The following ELOVL6 variants were observed in gnomAD, a reference collection of about 807,000 sequenced individuals.
ELOVL6 encodes the protein very long chain fatty acid elongase 6.
A neutral mutation model predicts 31.7 loss-of-function variants in ELOVL6; 8 were observed. That is an observed-to-expected ratio of 0.25 (90% CI 0.15 to 0.45). The LOEUF (loss-of-function observed/expected upper bound fraction) is 0.45, where lower values mean the gene tolerates loss of function less well. Among genes scored for constraint, ELOVL6 ranks in the 20% least tolerant of loss-of-function variants. The probability of loss-of-function intolerance (pLI) is 1.00; values close to 1 mark genes in which losing one functional copy is unlikely to be tolerated. For synonymous variants in ELOVL6, 101 were observed against 117.7 expected (o/e 0.86, Z 0.92); for missense variants, 126 against 326.4 (o/e 0.39, Z 4.73).
intron 1 of ELOVL6, among the ~76,000 whole-genome samples, chr4:110,141,648 A>ATTG (rs946402997): frequency 2.0e-5 from 3 of 149,522 alleles, no homozygotes; most frequent in African/African-American, 7.3e-5. Context: ...ATTGTATTGT[A>ATTG]TTGTATTAGT....
At chr4:110,074,797 A>G (rs1755585278) in intron 2 of ELOVL6, among the ~76,000 whole-genome samples, 1 of 152,208 alleles carries the variant, frequency 6.6e-6, no homozygotes. Flanking sequence ...AGAGGCATCA[A>G]GGAAGTGGGT....
chr4:110,094,499 T>C (rs1028779571), intron 2 of ELOVL6, among the ~76,000 whole-genome samples: 1 of 130,456 alleles, frequency 7.7e-6, no homozygotes. Flanking sequence ...TAATATATAA[T>C]TATATATACA....
intron 1 of ELOVL6, among the ~76,000 whole-genome samples, chr4:110,165,909 G>T (rs1758760731): frequency 6.6e-6 from 1 of 152,190 alleles, no homozygotes; most frequent in Non-Finnish European, 1.5e-5. Context: ...AGTGGGAAAA[G>T]AGGGTGGTCT....
At chr4:110,063,060 T>C (rs1209759314) in intron 2 of ELOVL6, among the ~76,000 whole-genome samples, 2 of 152,192 alleles carry the variant, frequency 1.3e-5, no homozygotes, top group Non-Finnish European at 2.9e-5. Flanking sequence ...CTGATTTACT[T>C]CGGCTAACCC....
chr4:110,053,972 C>G (rs1267853839), intron 3 of ELOVL6, among the ~76,000 whole-genome samples: 1 of 151,212 alleles, frequency 6.6e-6, no homozygotes, highest in African/African-American at 2.4e-5. Context: ...TTGTGGCAGG[C>G]ACCTGTAATC....
In ELOVL6 at chr4:110,057,985, T is replaced by C. The variant is rs188181841; in HGVS notation, c.373+1618A>G. Reference sequence around the variant, plus strand: ...CTATGAATCAAAGCAAATTAAAATATTCTCATATAATTTTAAAATTCCCAG... The same window carrying C: ...CTATGAATCAAAGCAAATTAAAATACTCTCATATAATTTTAAAATTCCCAG... On this transcript the variant is annotated intron_variant, in intron 3 of 3. Coordinates refer to ENST00000302274, the MANE Select transcript of ELOVL6 (RefSeq NM_024090.3). 1.6e-3 allele frequency among the ~76,000 whole-genome samples: 250 copies of C among 152,174 alleles called. 2 individuals carry two copies. The highest frequency in any genetic ancestry group is 5.7e-3 in the African/African-American group (235 of 41,480).
intron 1 of ELOVL6, among the ~76,000 whole-genome samples, chr4:110,185,653 T>C (rs946608630): frequency 6.6e-6 from 1 of 152,114 alleles, no homozygotes; most frequent in Admixed American, 6.6e-5. Context: ...TATGTACAAG[T>C]AGTATTAAGA....
intron 1 of ELOVL6, among the ~76,000 whole-genome samples, chr4:110,192,908 G>C (rs575136234): frequency 1.3e-5 from 2 of 152,290 alleles, no homozygotes; most frequent in South Asian, 4.1e-4. Context: ...TAAACAGCAA[G>C]TGACATGAGT....
rs559300149 is a variant in ELOVL6 at position 110,046,644 on chromosome 4, C to G, written c.*4694G>C. 2.6e-5 allele frequency: 4 copies of G among 152,336 alleles called. No homozygotes were observed. The highest frequency in any genetic ancestry group is 9.6e-5 in the African/African-American group (4 of 41,578). 9.4% of individuals were successfully genotyped at this position (152,336 alleles called of 1,614,324 possible). A position where few individuals can be genotyped will look rare whatever the true frequency, so the allele number is the denominator to read the frequency against. ...TTCTTCAAAGCTCTGTGCATGTGCC[C>G]TGTACCGGCCTCTTTAGCTATGAGT... On this transcript the variant is annotated 3_prime_UTR_variant, in exon 4 of 4. Transcript: ENST00000302274.
intron 2 of ELOVL6, among the ~76,000 whole-genome samples, chr4:110,097,108 C>T (rs1025873929): frequency 1.3e-5 from 2 of 151,932 alleles, no homozygotes; most frequent in African/African-American, 4.8e-5. Flanking sequence ...GAGTTCAAGA[C>T]CAGCCTGGCC....
intron 1 of ELOVL6, chr4:110,117,903 A>AAAATATATATATATATATAT: frequency 1.5e-4 from 1 of 6,502 alleles, no homozygotes; most frequent in African/African-American, 3.3e-4. Context: ...AAAAAAAAAA[A>AAAATATATATATATATATAT]ATATATATAT....
chr4:110,073,358 G>A (rs1437912517), intron 2 of ELOVL6, among the ~76,000 whole-genome samples: 2 of 152,020 alleles, frequency 1.3e-5, no homozygotes, highest in Admixed American at 6.6e-5. Flanking sequence ...ATATCATTAA[G>A]TGTGTTCTCA....
chr4:110,138,717 T>G (rs1416984663), intron 1 of ELOVL6, among the ~76,000 whole-genome samples: 5 of 144,076 alleles, frequency 3.5e-5, no homozygotes, highest in African/African-American at 1.3e-4. Flanking sequence ...GTCACTTGTG[T>G]GATAAGATGT....
At chr4:110,094,083 C>T (rs185840467) in intron 2 of ELOVL6, among the ~76,000 whole-genome samples, 1 of 152,050 alleles carries the variant, frequency 6.6e-6, no homozygotes, top group East Asian at 1.9e-4. Flanking sequence ...AAGCCCGTCT[C>T]TACCAAAAAC....
intron 2 of ELOVL6, among the ~76,000 whole-genome samples, chr4:110,070,482 A>T (rs1755437025): frequency 6.6e-6 from 1 of 152,210 alleles, no homozygotes; most frequent in South Asian, 2.1e-4. Context: ...AATTATTAGG[A>T]CAGTGACAAT....
At chr4:110,084,135 A>ATATGATATAACATATATG (rs1553955997) in intron 2 of ELOVL6, among the ~76,000 whole-genome samples, 1 of 35,296 alleles carries the variant, frequency 2.8e-5, no homozygotes, top group African/African-American at 2.4e-4. Context: ...ATATGTGATA[A>ATATGATATAACATATATG]TGATATATAT....
chr4:110,172,497 A>G (rs1205635885), intron 1 of ELOVL6, among the ~76,000 whole-genome samples: 1 of 152,182 alleles, frequency 6.6e-6, no homozygotes, highest in African/African-American at 2.4e-5. Context: ...GCATAACTAC[A>G]GCAAGTAATG....
intron 1 of ELOVL6, among the ~76,000 whole-genome samples, chr4:110,174,313 C>T (rs1759037787): frequency 6.6e-6 from 1 of 151,818 alleles, no homozygotes; most frequent in Non-Finnish European, 1.5e-5. Context: ...ACAGGCCCAT[C>T]CCACCATATG....
chr4:110,084,588 A>ATATATTTTT (rs1553956261), intron 2 of ELOVL6, among the ~76,000 whole-genome samples: 1 of 29,658 alleles, frequency 3.4e-5, no homozygotes, highest in African/African-American at 2.2e-4. Context: ...ATATATATAT[A>ATATATTTTT]TTTTTTTTTT....
Sources: gnomAD v4.1 joint callset for allele counts (sites outside exome capture counted in the v4.1 genomes callset) on GRCh38, gnomAD v4.1.1 for gene constraint, MANE v1.5 for transcripts, NCBI Gene and HGNC (gene_info 2026-07-23, HGNC 2026-07-21) for gene names.